The following PTK2 variants were observed in gnomAD, a reference collection of about 807,000 sequenced individuals.
The protein encoded by PTK2 is focal adhesion kinase 1.
A neutral mutation model predicts 150.1 loss-of-function variants in PTK2; 45 were observed. The observed-to-expected ratio is 0.30, with a 90% confidence interval of 0.24 to 0.38. The LOEUF (loss-of-function observed/expected upper bound fraction) is 0.38. PTK2 is among the 10% of genes least tolerant of loss of function. The pLI is 1.00. For missense variants in PTK2, 919 were observed against 1,307.3 expected, an observed-to-expected ratio of 0.70 and a Z score of 4.58; for synonymous variants, 432 against 449.2, an observed-to-expected ratio of 0.96 and a Z score of 0.48.
chr8:140,980,982 GA>G (rs71310812), intron 1 of PTK2, among the ~76,000 whole-genome samples: 60,573 of 144,550 alleles, frequency 0.42, 14,549 homozygotes, highest in Non-Finnish European at 0.55. Flanking sequence ...GGCTGGTCTC[GA>G]ACTCTTCACC....
At chr8:140,892,652 A>G in intron 2 of PTK2, 1 of 425,416 alleles carries the variant, frequency 2.4e-6, no homozygotes, top group South Asian at 1.7e-5. Context: ...AAAAAATGGT[A>G]TAACAGCACA....
At chr8:140,882,699 A>G (rs2100149901) in intron 3 of PTK2, among the ~76,000 whole-genome samples, 2 of 152,216 alleles carry the variant, frequency 1.3e-5, no homozygotes, top group Non-Finnish European at 1.5e-5. Context: ...CTACTGATGA[A>G]TAAAGATTTC....
chr8:140,772,527 A>G (rs2154560086), intron 14 of PTK2, among the ~76,000 whole-genome samples: 1 of 152,376 alleles, frequency 6.6e-6, no homozygotes, highest in Non-Finnish European at 1.5e-5. Flanking sequence ...GATACGGAAC[A>G]TTACTGGTAT....
intron 5 of PTK2, among the ~76,000 whole-genome samples, chr8:140,854,779 G>A (rs147083719): frequency 1.7e-3 from 260 of 151,978 alleles, no homozygotes; most frequent in Admixed American, 2.5e-3. Context: ...GTAATATAAC[G>A]CTCAAACACT....
At chr8:140,835,251 A>G (rs2100118018) in intron 7 of PTK2, among the ~76,000 whole-genome samples, 1 of 152,250 alleles carries the variant, frequency 6.6e-6, no homozygotes, top group African/African-American at 2.4e-5. Flanking sequence ...TAAGCTTATT[A>G]TAAGCACATT....
At chr8:140,716,188 TAGC>T (rs1378744480) in intron 23 of PTK2, among the ~76,000 whole-genome samples, 1 of 152,180 alleles carries the variant, frequency 6.6e-6, no homozygotes, top group African/African-American at 2.4e-5. Flanking sequence ...AGAATGTAAA[TAGC>T]AGACCCCCAT....
intron 1 of PTK2, among the ~76,000 whole-genome samples, chr8:140,983,489 T>C (rs2100192222): frequency 6.6e-6 from 1 of 152,186 alleles, no homozygotes; most frequent in African/African-American, 2.4e-5. Flanking sequence ...ATCTTAAAGT[T>C]TTCCAAGTCC....
intron 22 of PTK2, chr8:140,734,927 G>A (rs1240716543): frequency 2.3e-6 from 1 of 433,430 alleles, no homozygotes; most frequent in Non-Finnish European, 4.4e-6. Flanking sequence ...GGGAGACAGA[G>A]ATGGAGGGTT....
intron 10 of PTK2, among the ~76,000 whole-genome samples, chr8:140,807,773 C>T (rs1192754757): frequency 6.6e-6 from 1 of 152,164 alleles, no homozygotes. Flanking sequence ...TTAATTGCAC[C>T]TATCTTTTTA....
intron 14 of PTK2, among the ~76,000 whole-genome samples, chr8:140,774,434 T>C (rs1019141812): frequency 6.6e-6 from 1 of 152,192 alleles, no homozygotes; most frequent in East Asian, 1.9e-4. Flanking sequence ...CTATGGAAGA[T>C]GGCAGAATGG....
intron 23 of PTK2, among the ~76,000 whole-genome samples, chr8:140,706,580 C>T (rs935509083): frequency 1.3e-5 from 2 of 151,918 alleles, no homozygotes; most frequent in Non-Finnish European, 2.9e-5. Context: ...CTGGGGTGGG[C>T]GGATCCTTTG....
At chr8:140,684,734 T>G (rs1183017739) in intron 27 of PTK2, among the ~76,000 whole-genome samples, 1 of 152,102 alleles carries the variant, frequency 6.6e-6, no homozygotes, top group African/African-American at 2.4e-5. Context: ...GGAAAAACAT[T>G]CCATGCTCAT....
chr8:140,868,322 T>C (rs574886342), intron 4 of PTK2, among the ~76,000 whole-genome samples: 3 of 152,214 alleles, frequency 2.0e-5, no homozygotes, highest in African/African-American at 7.2e-5. Context: ...GTGTGAACAG[T>C]CTGTTCTTAC....
chr8:140,833,513 G>A (rs2100116783), intron 7 of PTK2, among the ~76,000 whole-genome samples: 1 of 152,132 alleles, frequency 6.6e-6, no homozygotes, highest in South Asian at 2.1e-4. Flanking sequence ...ACCAAACAGG[G>A]ACTTGTAGGC....
At chr8:140,797,513 A>G (rs2100092417) in intron 12 of PTK2, among the ~76,000 whole-genome samples, 1 of 152,222 alleles carries the variant, frequency 6.6e-6, no homozygotes, top group East Asian at 1.9e-4. Context: ...TGCCATGCTT[A>G]GAAGCATTCA....
chr8:140,671,227 T>C (rs1324605130), intron 29 of PTK2, among the ~76,000 whole-genome samples: 1 of 152,214 alleles, frequency 6.6e-6, no homozygotes, highest in Admixed American at 6.5e-5. Flanking sequence ...AATATTTTAG[T>C]ATTAGTTTTT....
chr8:140,714,952 G>C (rs934246108), intron 23 of PTK2, among the ~76,000 whole-genome samples: 3 of 151,712 alleles, frequency 2.0e-5, no homozygotes, highest in Admixed American at 6.6e-5. Flanking sequence ...GGAAATCACA[G>C]ACTCATTTTA....
chr8:140,707,463 A>G (rs1347310529), intron 23 of PTK2, among the ~76,000 whole-genome samples: 1 of 152,218 alleles, frequency 6.6e-6, no homozygotes, highest in Non-Finnish European at 1.5e-5. Flanking sequence ...CTGGAGTGCA[A>G]GGTATAATCC....
intron 22 of PTK2, among the ~76,000 whole-genome samples, chr8:140,721,177 C>G (rs1463569109): frequency 6.6e-6 from 1 of 152,058 alleles, no homozygotes; most frequent in Non-Finnish European, 1.5e-5. Flanking sequence ...ACACCATATG[C>G]CTGTGCAAGT....
Sources: allele counts gnomAD v4.1 joint callset (sites outside exome capture counted in the v4.1 genomes callset), GRCh38; gene constraint gnomAD v4.1.1; transcripts MANE v1.5; gene names NCBI Gene and HGNC (gene_info 2026-07-23, HGNC 2026-07-21).